Variants in ODAD2 observed in about 807,000 individuals in gnomAD.
ODAD2 encodes outer dynein arm docking complex subunit 2.
Under a neutral mutation model 106.8 loss-of-function variants are expected in ODAD2, and 89 were observed. The observed-to-expected ratio is 0.83, with a 90% CI of 0.70 to 0.99. The LOEUF is 0.99. Among genes scored for constraint, ODAD2 ranks in the 50% least tolerant of loss-of-function variants. The probability of loss-of-function intolerance (pLI) is 0.00; values close to 1 mark genes in which losing one functional copy is unlikely to be tolerated. For synonymous variants in ODAD2, 404 were observed against 436.2 expected (o/e 0.93, Z 0.92); for missense variants, 1,168 against 1,238.5 (o/e 0.94, Z 0.85).
At chr10:27,976,072 A>G (rs1234382053) in intron 7 of ODAD2, among the ~76,000 whole-genome samples, 1 of 152,142 alleles carries the variant, frequency 6.6e-6, no homozygotes, top group South Asian at 2.1e-4. Context: ...ACACAAAGAA[A>G]CATTTGATAA....
chr10:27,936,705 A>G (rs1349775319), intron 15 of ODAD2, 21 bp downstream of exon 15: 1 of 1,613,424 alleles, frequency 6.2e-7, no homozygotes, highest in African/African-American at 1.3e-5. Flanking sequence ...TCATTTCAGA[A>G]TATTGAGAGC....
intron 17 of ODAD2, among the ~76,000 whole-genome samples, chr10:27,881,703 T>C (rs565654651): frequency 2.6e-5 from 4 of 152,194 alleles, no homozygotes; most frequent in African/African-American, 9.6e-5. Context: ...AATAATTCTA[T>C]GTTTATATAA....
chr10:27,928,372 C>T (rs1475891752), intron 16 of ODAD2, among the ~76,000 whole-genome samples: 2 of 152,106 alleles, frequency 1.3e-5, no homozygotes, highest in African/African-American at 4.8e-5. Flanking sequence ...ATTTTTATTA[C>T]ATTATATTTT....
intron 10 of ODAD2, among the ~76,000 whole-genome samples, chr10:27,958,193 CAT>C (rs1847864056): frequency 6.6e-6 from 1 of 152,190 alleles, no homozygotes; most frequent in Non-Finnish European, 1.5e-5. Flanking sequence ...CACATTTGCA[CAT>C]GATTTATTGA....
At chr10:27,928,673 C>T (rs75359486) in intron 16 of ODAD2, among the ~76,000 whole-genome samples, 4,890 of 152,156 alleles carry the variant, frequency 0.032, 186 homozygotes, top group East Asian at 0.18. Context: ...ATAAGAGAAA[C>T]ACAATCAAGA....
chr10:27,814,690 G>A (rs997497157), intron 19 of ODAD2, among the ~76,000 whole-genome samples: 9 of 152,036 alleles, frequency 5.9e-5, no homozygotes, highest in African/African-American at 1.5e-4. Context: ...ACCATCTTCC[G>A]TCTTTGCTTC....
chr10:27,945,102 G>A (rs1445639794), intron 10 of ODAD2, 140 bp from the exon 11 acceptor site: 8 of 922,224 alleles, frequency 8.7e-6, no homozygotes, highest in Non-Finnish European at 1.3e-5. Context: ...TAGAGCCGAA[G>A]CATGGAAAAG....
chr10:27,883,765 A>T (rs925824758), intron 17 of ODAD2, among the ~76,000 whole-genome samples: 3 of 152,204 alleles, frequency 2.0e-5, no homozygotes, highest in Non-Finnish European at 1.5e-5. Flanking sequence ...TTTAGTTGAA[A>T]GTACAATAAC....
intron 11 of ODAD2, 39 bp from the exon 12 acceptor site, chr10:27,944,470 C>A (rs748889786): frequency 1.9e-6 from 3 of 1,558,480 alleles, no homozygotes; most frequent in East Asian, 4.5e-5. Context: ...GAATATGTAA[C>A]CCGTGCTATG....
rs183838029 is a variant in ODAD2, at chr10:27,874,657, T to C, written c.2611-12035A>G. Among the ~76,000 whole-genome samples, 65 of 152,336 alleles carry C rather than the reference T, an allele frequency of 4.3e-4. No homozygotes were observed. In the East Asian group the frequency reaches 6.0e-3, roughly 14 times the overall value. On this transcript the variant is annotated intron_variant, in intron 17 of 19. Transcript: ENST00000305242. ...ATGAAATTCTGGGTTGAAAATTCTT[T>C]TCTTTAAGAATGTTGAATATTGGCC... is the stretch of plus-strand genomic sequence containing the variant.
chr10:27,840,413 C>T (rs1200160393), intron 19 of ODAD2, among the ~76,000 whole-genome samples: 2 of 152,122 alleles, frequency 1.3e-5, no homozygotes, highest in African/African-American at 4.8e-5. Flanking sequence ...GAGTGCCTTC[C>T]CAGCACATCA....
At chr10:27,936,006 T>C (rs1273624211) in intron 15 of ODAD2, among the ~76,000 whole-genome samples, 1 of 152,134 alleles carries the variant, frequency 6.6e-6, no homozygotes, top group Non-Finnish European at 1.5e-5. Context: ...GCTGAGTTTT[T>C]AATTAAGATA....
At chr10:27,913,041 T>C (rs1285941400) in intron 16 of ODAD2, among the ~76,000 whole-genome samples, 1 of 152,194 alleles carries the variant, frequency 6.6e-6, no homozygotes, top group Admixed American at 6.6e-5. Flanking sequence ...GGATAGCCTA[T>C]GCTTTCATAG....
At chr10:27,951,245 G>C (rs1465113213) in intron 10 of ODAD2, among the ~76,000 whole-genome samples, 1 of 152,112 alleles carries the variant, frequency 6.6e-6, no homozygotes, top group Non-Finnish European at 1.5e-5. Context: ...GAATTTTGGG[G>C]TTTTGTTAAC....
intron 16 of ODAD2, among the ~76,000 whole-genome samples, chr10:27,922,953 A>G (rs185289782): frequency 1.8e-3 from 263 of 150,228 alleles, no homozygotes; most frequent in Non-Finnish European, 2.5e-3. Flanking sequence ...AAAAAACAAA[A>G]AAAACTAAAT....
intron 16 of ODAD2, among the ~76,000 whole-genome samples, chr10:27,915,181 A>C (rs781694882): frequency 6.6e-6 from 1 of 152,286 alleles, no homozygotes; most frequent in African/African-American, 2.4e-5. Context: ...CTGAAACCCA[A>C]AGGTAAAAAG....
At chr10:27,900,123 G>A (rs1843099901) in intron 17 of ODAD2, among the ~76,000 whole-genome samples, 1 of 152,160 alleles carries the variant, frequency 6.6e-6, no homozygotes, top group Non-Finnish European at 1.5e-5. Context: ...GAAGGAACAG[G>A]CAGCAATCTT....
intron 9 of ODAD2, among the ~76,000 whole-genome samples, chr10:27,964,499 G>A (rs1320761175): frequency 1.3e-5 from 2 of 152,188 alleles, no homozygotes; most frequent in Admixed American, 6.5e-5. Context: ...TGCATGGAGG[G>A]CCTGCTGGCT....
At chr10:27,812,811 G>C (rs1460733044) in intron 19 of ODAD2, among the ~76,000 whole-genome samples, 186 bp from the exon 20 acceptor site, 1 of 152,128 alleles carries the variant, frequency 6.6e-6, no homozygotes, top group Non-Finnish European at 1.5e-5. Context: ...AATTCCTCAT[G>C]CACTTCTTAC....
Sources: gnomAD v4.1 joint callset for allele counts (sites outside exome capture counted in the v4.1 genomes callset) on GRCh38, gnomAD v4.1.1 for gene constraint, MANE v1.5 for transcripts, NCBI Gene and HGNC (gene_info 2026-07-23, HGNC 2026-07-21) for gene names.